Variants in CRYL1 observed in about 807,000 individuals in gnomAD.
CRYL1 encodes the protein lambda-crystallin homolog.
In CRYL1, 29 loss-of-function variants were observed where a neutral mutation model predicts 36.6. The ratio of observed to expected loss-of-function variants is 0.79; its 90% CI spans 0.59 to 1.08. The LOEUF (loss-of-function observed/expected upper bound fraction) is 1.08. Among genes scored for constraint, CRYL1 ranks in the 50% least tolerant of loss-of-function variants. CRYL1 has a pLI of 0.00. For missense variants in CRYL1, 411 were observed against 407.9 expected (o/e 1.01, Z -0.06); for synonymous variants, 152 against 151.5 (o/e 1.00, Z -0.02).
rs147145112 is a variant in CRYL1 at position 20,482,559 on chromosome 13, G to A, written c.276+6811C>T. Reference sequence around the variant, plus strand: ...CTAGAAATTCAGGTTTCTTTCTTGCGTGCTCCCGGATTTCAGCAGAGTATT... The same window carrying A: ...CTAGAAATTCAGGTTTCTTTCTTGCATGCTCCCGGATTTCAGCAGAGTATT... On this transcript the variant is annotated intron_variant, in intron 3 of 7. Transcript: ENST00000298248. Among the ~76,000 whole-genome samples the A allele has an allele frequency of 4.4e-3, 665 of 152,284 alleles. 7 individuals carry two copies. Among genetic ancestry groups the A allele is most frequent in the African/African-American group, 0.015 (641 of 41,552 alleles).
At chr13:20,480,349 T>C (rs2033251494) in intron 3 of CRYL1, among the ~76,000 whole-genome samples, 1 of 150,072 alleles carries the variant, frequency 6.7e-6, no homozygotes, top group Non-Finnish European at 1.5e-5. Context: ...GAGCCAACAA[T>C]CCAGCCTGGG....
intron 2 of CRYL1, among the ~76,000 whole-genome samples, chr13:20,503,751 CAGG>C: frequency 6.6e-6 from 1 of 152,262 alleles, no homozygotes; most frequent in South Asian, 2.1e-4. Flanking sequence ...GGTTTCAAAT[CAGG>C]AGAACAGACC....
chr13:20,507,635 C>G (rs1264670079), intron 2 of CRYL1, among the ~76,000 whole-genome samples: 2 of 152,190 alleles, frequency 1.3e-5, no homozygotes, highest in Non-Finnish European at 2.9e-5. Flanking sequence ...AGTCCACGCC[C>G]AGGCTGGGCA....
At chr13:20,428,773 G>A (rs2031988771) in intron 5 of CRYL1, among the ~76,000 whole-genome samples, 1 of 152,156 alleles carries the variant, frequency 6.6e-6, no homozygotes, top group Non-Finnish European at 1.5e-5. Context: ...CAGATGGCAG[G>A]GGTGGCAGGG....
chr13:20,525,729 A>G lies in CRYL1; in HGVS notation c.41+25T>C, dbSNP rs2034180031. On this transcript the variant is annotated intron_variant, in intron 1 of 7. Coordinates refer to ENST00000298248, the MANE Select transcript of CRYL1 (RefSeq NM_015974.3). The surrounding 1 kb of genome is among the most constrained non-coding windows in gnomAD (Gnocchi z 4.3). ...CGGCGTCTCCCCGGGCTCCAGGGGC[A>G]GCAGCGCGGCTCGGAGCCCTTTACC... 7.4e-7 allele frequency: 1 copy of G among 1,347,684 alleles called. No homozygotes were observed. Among genetic ancestry groups the G allele is most frequent in the Non-Finnish European group, 9.6e-7 (1 of 1,045,290 alleles). The allele number at this position is 1,347,684 out of a possible 1,614,324, so 83.5% of individuals were successfully genotyped here.
chr13:20,423,182 G>C (rs897678203), intron 5 of CRYL1, among the ~76,000 whole-genome samples: 2 of 151,998 alleles, frequency 1.3e-5, no homozygotes, highest in African/African-American at 2.4e-5. Context: ...AGAATTTTAG[G>C]GTTTTCTATA....
At chr13:20,493,145 C>T (rs990861198) in intron 2 of CRYL1, among the ~76,000 whole-genome samples, 2 of 152,212 alleles carry the variant, frequency 1.3e-5, no homozygotes, top group South Asian at 2.1e-4. Flanking sequence ...ACTGAGCAGC[C>T]GCCAGCTGTG....
chr13:20,443,902 T>C (rs1416715495), intron 3 of CRYL1, among the ~76,000 whole-genome samples: 1 of 152,228 alleles, frequency 6.6e-6, no homozygotes, highest in Non-Finnish European at 1.5e-5. Flanking sequence ...ATTAGAATCC[T>C]ACTGCAATCA....
Position 20,461,196 on chromosome 13 carries a change from A to G in CRYL1, c.277-21442T>C, listed in dbSNP as rs750454718. On this transcript the variant is annotated intron_variant, in intron 3 of 7. Coordinates refer to ENST00000298248, the MANE Select transcript of CRYL1 (RefSeq NM_015974.3). Reference sequence around the variant, plus strand: ...CTACTGGGGCATTTGTCTTTTTCTTACTGAGTTATATTTTTTAATATGATG... The same window carrying G: ...CTACTGGGGCATTTGTCTTTTTCTTGCTGAGTTATATTTTTTAATATGATG... 7.2e-5 allele frequency among the ~76,000 whole-genome samples: 11 copies of G among 152,040 alleles called. 1 individual carries two copies. The highest frequency in any genetic ancestry group is 1.6e-4 in the Non-Finnish European group (11 of 68,006).
intron 5 of CRYL1, among the ~76,000 whole-genome samples, chr13:20,422,793 CCAAA>C (rs1394160731): frequency 6.6e-6 from 1 of 152,168 alleles, no homozygotes; most frequent in Non-Finnish European, 1.5e-5. Context: ...TACAGTCTTT[CCAAA>C]CAAAGGGCCA....
chr13:20,408,145 C>T (rs565878005), intron 6 of CRYL1, among the ~76,000 whole-genome samples: 2 of 152,300 alleles, frequency 1.3e-5, no homozygotes, highest in South Asian at 4.1e-4. Context: ...CATTCCTACT[C>T]TCAGGATCAA....
At chr13:20,518,681 CA>C (rs2034043771) in intron 1 of CRYL1, among the ~76,000 whole-genome samples, 1 of 151,990 alleles carries the variant, frequency 6.6e-6, no homozygotes, top group African/African-American at 2.4e-5. Context: ...TGCAGAAGGG[CA>C]AAGATGGAAG....
intron 3 of CRYL1, among the ~76,000 whole-genome samples, chr13:20,441,397 C>T (rs971350948): frequency 1.1e-4 from 16 of 152,176 alleles, no homozygotes; most frequent in Non-Finnish European, 2.1e-4. Context: ...GTGTCCAAAG[C>T]GGGGGTCCTT....
At chr13:20,414,021 A>C (rs2031591281) in intron 5 of CRYL1, among the ~76,000 whole-genome samples, 1 of 151,942 alleles carries the variant, frequency 6.6e-6, no homozygotes, top group Non-Finnish European at 1.5e-5. Flanking sequence ...TAAAAATACA[A>C]AAAATTCGCC....
At chr13:20,426,965 C>A in intron 5 of CRYL1, 2 of 985,682 alleles carry the variant, frequency 2.0e-6, no homozygotes, top group Non-Finnish European at 2.4e-6. Flanking sequence ...CAGCAATTTC[C>A]GAAGCTCATC....
At chr13:20,439,963 C>G in intron 3 of CRYL1, 1 of 488,782 alleles carries the variant, frequency 2.0e-6, no homozygotes, top group South Asian at 3.2e-5. Flanking sequence ...TCCCCTAAAG[C>G]AAGCCATAAA....
At chr13:20,482,739 C>CTG (rs148128861) in intron 3 of CRYL1, among the ~76,000 whole-genome samples, 2,305 of 150,902 alleles carry the variant, frequency 0.015, 43 homozygotes, top group East Asian at 0.052. Context: ...GGCAAGCAGT[C>CTG]TGTGTGTGTG....
intron 2 of CRYL1, among the ~76,000 whole-genome samples, chr13:20,505,470 C>T (rs1039141724): frequency 4.6e-5 from 7 of 151,980 alleles, no homozygotes; most frequent in South Asian, 2.1e-4. Flanking sequence ...ACATTACCTT[C>T]GGAGACTCTA....
chr13:20,425,625 C>G lies in CRYL1; in HGVS notation c.633+6477G>C, dbSNP rs2137380902. Among the ~76,000 whole-genome samples the G allele has an allele frequency of 6.6e-6, 1 of 152,230 alleles. No homozygotes were observed. The highest frequency in any genetic ancestry group is 6.5e-5 in the Admixed American group (1 of 15,280). On this transcript the variant is annotated intron_variant, in intron 5 of 7. Coordinates refer to ENST00000298248, the MANE Select transcript of CRYL1 (RefSeq NM_015974.3). The surrounding 1 kb of genome is among the most constrained non-coding windows in gnomAD (Gnocchi z 4.4). ...AAGAGGAGAGAAGAAATCAAAGGACCATTCACCTCCAAGTGAACATAGCAC... is the reference window on the plus strand; with the variant it reads ...AAGAGGAGAGAAGAAATCAAAGGACGATTCACCTCCAAGTGAACATAGCAC...
Sources: gnomAD v4.1 joint callset for allele counts (sites outside exome capture counted in the v4.1 genomes callset) on GRCh38, gnomAD v4.1.1 for gene constraint, Gnocchi (gnomAD v3.1) non-coding constraint, MANE v1.5 for transcripts, NCBI Gene and HGNC (gene_info 2026-07-23, HGNC 2026-07-21) for gene names.